LARGE1: variants seen among roughly 807,000 people sequenced by gnomAD.
LARGE1 encodes the protein xylosyl- and glucuronyltransferase LARGE1.
LARGE1 carries 43 observed loss-of-function variants against 87.6 expected under a neutral mutation model. The ratio of observed to expected loss-of-function variants is 0.49; its 90% confidence interval spans 0.38 to 0.63. The LOEUF (loss-of-function observed/expected upper bound fraction) is 0.63, where lower values mean the gene tolerates loss of function less well. LARGE1 is among the 30% of genes least tolerant of loss of function. The pLI is 0.00. For synonymous variants in LARGE1, 434 were observed against 394.6 expected, an observed-to-expected ratio of 1.10 and a Z score of -1.18; for missense variants, 802 against 1,000.2, an observed-to-expected ratio of 0.80 and a Z score of 2.67.
At chr22:33,133,714 C>T in the LARGE1 span, among the ~76,000 whole-genome samples, 1 of 152,238 alleles carries the variant, frequency 6.6e-6, no homozygotes, top group South Asian at 2.1e-4. Context: ...ATTGCTGGGT[C>T]AAATGGTATT....
intron 9 of LARGE1, among the ~76,000 whole-genome samples, chr22:33,344,428 A>G (rs1007505945): frequency 1.3e-5 from 2 of 152,162 alleles, no homozygotes; most frequent in East Asian, 3.9e-4. Context: ...AACTACAAGT[A>G]TGATAACGTG....
At chr22:33,626,074 T>C (rs2079911537) in intron 4 of LARGE1, among the ~76,000 whole-genome samples, 170 bp downstream of exon 4, 1 of 152,238 alleles carries the variant, frequency 6.6e-6, no homozygotes, top group Non-Finnish European at 1.5e-5. Flanking sequence ...ATCGCTGTCA[T>C]TAAACATTGT....
At chr22:33,666,596 A>C (rs1459493635) in intron 2 of LARGE1, among the ~76,000 whole-genome samples, 1 of 152,186 alleles carries the variant, frequency 6.6e-6, no homozygotes, top group Non-Finnish European at 1.5e-5. Flanking sequence ...ATGATAATAA[A>C]AGGGGTCAGG....
rs557110958 is a variant in LARGE1, at chr22:33,584,450, C to T, written c.616-19431G>A. Among the ~76,000 whole-genome samples, 5 of 152,308 alleles carry T rather than the reference C, an allele frequency of 3.3e-5. No individual in the cohort carries two copies. The South Asian group carries it at 8.3e-4, about 25-fold the overall frequency. On this transcript the variant is annotated intron_variant, in intron 5 of 14. Transcript: ENST00000397394. Reference sequence around the variant, plus strand: ...TCCAGCTGGTAGCTGATTGGTACTACACTCTTCCCTATTTCATTAGTTTTC... The same window carrying T: ...TCCAGCTGGTAGCTGATTGGTACTATACTCTTCCCTATTTCATTAGTTTTC...
exon 12 of LARGE1, chr22:33,165,735 A>C (rs1040486962): frequency 6.6e-6 from 1 of 152,188 alleles, no homozygotes; most frequent in Admixed American, 6.6e-5. Flanking sequence ...CCCTGGGTCA[A>C]TGTTTCCTTC....
chr22:33,887,026 G>A (rs2064871672), intron 1 of LARGE1, among the ~76,000 whole-genome samples: 1 of 152,148 alleles, frequency 6.6e-6, no homozygotes, highest in Non-Finnish European at 1.5e-5. Context: ...GTGAAAAAGC[G>A]GTAATTAAAC....
At chr22:33,450,986 G>C (rs8140222) in intron 6 of LARGE1, among the ~76,000 whole-genome samples, 50,291 of 152,000 alleles carry the variant, frequency 0.33, 9,036 homozygotes, top group African/African-American at 0.46. Flanking sequence ...GGGTAAAGCA[G>C]AGTATGGCTC....
intron 5 of LARGE1, among the ~76,000 whole-genome samples, chr22:33,568,067 TGAG>T (rs1003940705): frequency 2.6e-5 from 4 of 152,106 alleles, no homozygotes; most frequent in Non-Finnish European, 5.9e-5. Flanking sequence ...TGCAGTTACT[TGAG>T]GAGGGGAAGA....
At chr22:33,677,847 G>T (rs2267258) in intron 2 of LARGE1, among the ~76,000 whole-genome samples, 77,174 of 152,024 alleles carry the variant, frequency 0.51, 19,914 homozygotes, top group African/African-American at 0.6. Flanking sequence ...GCTAGGCATG[G>T]GTTATAGGTA....
chr22:33,188,436 C>A (rs1249351999), intron 11 of LARGE1, among the ~76,000 whole-genome samples: 3 of 152,142 alleles, frequency 2.0e-5, no homozygotes, highest in East Asian at 3.9e-4. Context: ...ACTGAGCTCA[C>A]ACCGGGCCTG....
chr22:33,497,649 A>G (rs1467090437), intron 6 of LARGE1, among the ~76,000 whole-genome samples: 1 of 152,228 alleles, frequency 6.6e-6, no homozygotes, highest in African/African-American at 2.4e-5. Flanking sequence ...TATATGTTCA[A>G]TAAAGGACAG....
chr22:33,537,282 C>T (rs954538205), intron 6 of LARGE1, among the ~76,000 whole-genome samples: 9 of 152,218 alleles, frequency 5.9e-5, no homozygotes, highest in Non-Finnish European at 1.0e-4. Flanking sequence ...TGGTTCCCTG[C>T]GGAGGCTCTG....
chr22:33,907,649 C>T (rs2065494167), intron 1 of LARGE1, among the ~76,000 whole-genome samples: 1 of 151,986 alleles, frequency 6.6e-6, no homozygotes, highest in African/African-American at 2.4e-5. Flanking sequence ...CTCACTGCAA[C>T]CTCCGCCTCC....
intron 6 of LARGE1, among the ~76,000 whole-genome samples, chr22:33,486,231 G>T (rs1569205487): frequency 2.0e-5 from 3 of 152,148 alleles, no homozygotes; most frequent in African/African-American, 7.2e-5. Flanking sequence ...GGTGTGGGTG[G>T]TGCCTGAAGG....
At chr22:33,841,256 A>T (rs887179642) in intron 1 of LARGE1, among the ~76,000 whole-genome samples, 16 of 152,202 alleles carry the variant, frequency 1.1e-4, no homozygotes, top group Non-Finnish European at 2.4e-4. Flanking sequence ...ACAAATGTAC[A>T]AAAAATGTTT....
At chr22:33,631,044 G>T (rs893347126) in intron 3 of LARGE1, among the ~76,000 whole-genome samples, 2 of 151,838 alleles carry the variant, frequency 1.3e-5, no homozygotes, top group African/African-American at 4.8e-5. Flanking sequence ...TAGTAGAGAC[G>T]GGGTTTCACC....
At chr22:33,519,998 CTTTTTTTTTTTTTT>C (rs397868082) in intron 6 of LARGE1, among the ~76,000 whole-genome samples, 12 of 97,230 alleles carry the variant, frequency 1.2e-4, no homozygotes, top group African/African-American at 4.7e-4. Flanking sequence ...TGGTTTTTCT[CTTTTTTTTTTTTTT>C]TTTTTTTTTG....
chr22:33,070,861 A>G, the LARGE1 span, among the ~76,000 whole-genome samples: 2 of 152,166 alleles, frequency 1.3e-5, no homozygotes, highest in African/African-American at 4.8e-5. Flanking sequence ...GCTCGAAAGT[A>G]AAAAGTAGTT....
At chr22:33,501,036 AG>A (rs1286494626) in intron 6 of LARGE1, among the ~76,000 whole-genome samples, 2 of 152,160 alleles carry the variant, frequency 1.3e-5, no homozygotes, top group African/African-American at 4.8e-5. Context: ...TGGACAGCCT[AG>A]GACCCTCCAT....
Sources: gnomAD v4.1 joint callset for allele counts (sites outside exome capture counted in the v4.1 genomes callset) on GRCh38, gnomAD v4.1.1 for gene constraint, MANE v1.5 for transcripts, NCBI Gene and HGNC (gene_info 2026-07-23, HGNC 2026-07-21) for gene names.